Variants in IQSEC1 observed in about 807,000 individuals in gnomAD.
IQSEC1 encodes the protein IQ motif and Sec7 domain ArfGEF 1.
A neutral mutation model predicts 91.0 loss-of-function variants in IQSEC1; 31 were observed. That is an observed-to-expected ratio of 0.34 (90% confidence interval 0.26 to 0.46). IQSEC1 has a LOEUF of 0.46. Among genes scored for constraint, IQSEC1 ranks in the 20% least tolerant of loss-of-function variants. The pLI is 1.00. For missense variants in IQSEC1, 1,388 were observed against 1,575.6 expected (o/e 0.88, Z 2.02); for synonymous variants, 699 against 662.6 (o/e 1.05, Z -0.84).
At chr3:13,202,895 G>T (rs138016021) in intron 1 of IQSEC1, among the ~76,000 whole-genome samples, 1 of 152,240 alleles carries the variant, frequency 6.6e-6, no homozygotes, top group Non-Finnish European at 1.5e-5. Context: ...TCAGTGTGCC[G>T]GGCGCCATTC....
Position 12,911,678 on chromosome 3 carries a change from T to C in IQSEC1, c.2367A>G (p.Arg789=), listed in dbSNP as rs905652890. ...GCATGCCGTACAAGGAGAAGGACTGTCGGAAGCTGTACGTCACCGAGTTCT... is the reference window on the plus strand; with the variant it reads ...GCATGCCGTACAAGGAGAAGGACTGCCGGAAGCTGTACGTCACCGAGTTCT... ...KKKNSVTYSF[R]QSFSLYGMQV... Residue 789 remains arginine (R), a synonymous_variant, in exon 10 of 14, where the codon CGA becomes CGG. Coordinates refer to ENST00000613206, the MANE Select transcript of IQSEC1 (RefSeq NM_001134382.3). 1.5e-5 allele frequency: 24 copies of C among 1,613,756 alleles called. No individual in the cohort carries two copies. Among genetic ancestry groups the C allele is most frequent in the Non-Finnish European group, 1.7e-5 (20 of 1,180,016 alleles).
chr3:13,184,234 C>G (rs1693893886), intron 1 of IQSEC1, among the ~76,000 whole-genome samples: 1 of 152,174 alleles, frequency 6.6e-6, no homozygotes, highest in African/African-American at 2.4e-5. Context: ...GAGCAGTATC[C>G]CTCTGAACAT....
chr3:13,039,021 C>A (rs560033079), intron 1 of IQSEC1, among the ~76,000 whole-genome samples: 82 of 152,240 alleles, frequency 5.4e-4, no homozygotes, highest in Non-Finnish European at 1.0e-3. Context: ...GGCAGTCCAC[C>A]ACACCATTAA....
chr3:13,009,836 C>A (rs1046245999), intron 1 of IQSEC1, among the ~76,000 whole-genome samples: 1 of 152,164 alleles, frequency 6.6e-6, no homozygotes, highest in Non-Finnish European at 1.5e-5. Context: ...CAGTGTGGCG[C>A]CCGCCTCCTA....
intron 1 of IQSEC1, among the ~76,000 whole-genome samples, chr3:13,019,958 G>A (rs1332264345): frequency 1.3e-5 from 2 of 152,196 alleles, no homozygotes; most frequent in South Asian, 2.1e-4. Context: ...TCTGTGAGGC[G>A]GTGCTGCTTC....
At chr3:13,271,540 A>C (rs1243585731) in intron 1 of IQSEC1, among the ~76,000 whole-genome samples, 1 of 152,234 alleles carries the variant, frequency 6.6e-6, no homozygotes, top group Non-Finnish European at 1.5e-5. Context: ...TCATGCCTGT[A>C]ATTCCAGAAC....
chr3:12,950,677 C>T (rs2125415220), intron 1 of IQSEC1, among the ~76,000 whole-genome samples: 1 of 150,668 alleles, frequency 6.6e-6, no homozygotes, highest in Non-Finnish European at 1.5e-5. Context: ...GAGTCTCACT[C>T]TGTTGCCCAG....
At chr3:12,995,914 C>T (rs1221984833) in intron 1 of IQSEC1, among the ~76,000 whole-genome samples, 5 of 152,200 alleles carry the variant, frequency 3.3e-5, no homozygotes, top group African/African-American at 1.2e-4. Context: ...TGTGGTGGCT[C>T]ATGCCTGTAA....
At chr3:13,058,779 G>A (rs1576223646) in intron 1 of IQSEC1, among the ~76,000 whole-genome samples, 1 of 152,186 alleles carries the variant, frequency 6.6e-6, no homozygotes, top group Non-Finnish European at 1.5e-5. Flanking sequence ...TTTTAGGGGC[G>A]CAAGATGCTG....
intron 1 of IQSEC1, among the ~76,000 whole-genome samples, chr3:13,070,779 A>G (rs1310838502): frequency 6.6e-6 from 1 of 152,228 alleles, no homozygotes; most frequent in Non-Finnish European, 1.5e-5. Context: ...AAAGACCCAC[A>G]GAAAAGAAAG....
chr3:13,102,514 C>T (rs1272837804), intron 2 of IQSEC1, among the ~76,000 whole-genome samples: 1 of 151,962 alleles, frequency 6.6e-6, no homozygotes, highest in Non-Finnish European at 1.5e-5. Flanking sequence ...GAGTAATAGG[C>T]GTGAAAACCT....
intron 1 of IQSEC1, among the ~76,000 whole-genome samples, chr3:13,174,844 A>T (rs970286658): frequency 1.3e-5 from 1 of 76,790 alleles, no homozygotes; most frequent in Admixed American, 1.4e-4. Context: ...CCCCCCCCCC[A>T]CCTCCTCCCA....
Position 12,901,183 on chromosome 3 carries a change from G to T in IQSEC1, c.3145C>A (p.Pro1049Thr). 6.5e-7 allele frequency: 1 copy of T among 1,542,704 alleles called. No homozygotes were observed. Among genetic ancestry groups the T allele is most frequent in the Non-Finnish European group, 8.8e-7 (1 of 1,142,362 alleles). Residue 1049 changes from proline (P) to threonine (T), a missense_variant, in exon 14 of 14, where the codon CCC becomes ACC. This residue lies in a region of IQSEC1 where 329 missense variants were observed against 257.8 expected (regional missense o/e 1.28). Transcript: ENST00000613206. ...TGGTGTGCGTGCTGGATGTGCTGGGGTGGGTGGTGGTGGTGGTGATGGTGG... is the reference window on the plus strand; with the variant it reads ...TGGTGTGCGTGCTGGATGTGCTGGGTTGGGTGGTGGTGGTGGTGATGGTGG... ...PYHHHHHHHP[P>T]QHIQHAHQYH... is the part of the protein sequence containing the mutation.
In IQSEC1 at chr3:13,259,220, C is replaced by A. The variant is rs1695341552; in HGVS notation, c.272+23491G>T. On this transcript the variant is annotated intron_variant, in intron 1 of 15. Coordinates refer to the IQSEC1 transcript ENST00000648114. This position sits in a 1 kb window ranked among gnomAD's most constrained non-coding sequence, Gnocchi z 4.6. Reference sequence around the variant, plus strand: ...AGGCCCTGGGACGGGACAGTTTCCACTGGAGCAGGACCTGGACAAGAGGAA... The same window carrying A: ...AGGCCCTGGGACGGGACAGTTTCCAATGGAGCAGGACCTGGACAAGAGGAA... 2.0e-5 allele frequency among the ~76,000 whole-genome samples: 3 copies of A among 152,194 alleles called. No individual in the cohort carries two copies. Among genetic ancestry groups the A allele is most frequent in the Non-Finnish European group, 2.9e-5 (2 of 68,004 alleles).
At chr3:13,178,059 C>G (rs1693772064) in intron 1 of IQSEC1, among the ~76,000 whole-genome samples, 1 of 152,262 alleles carries the variant, frequency 6.6e-6, no homozygotes, top group Admixed American at 6.5e-5. Flanking sequence ...ACTGAGATAC[C>G]TGTTCTCTTG....
At chr3:13,173,365 A>G (rs1478803243) in intron 1 of IQSEC1, among the ~76,000 whole-genome samples, 2 of 152,084 alleles carry the variant, frequency 1.3e-5, no homozygotes, top group African/African-American at 4.8e-5. Context: ...CTGGACAGAG[A>G]ACTAAATAGG....
intron 1 of IQSEC1, among the ~76,000 whole-genome samples, chr3:13,042,928 C>A (rs1305324234): frequency 2.6e-5 from 4 of 152,146 alleles, no homozygotes; most frequent in African/African-American, 9.7e-5. Context: ...AGATAAATTA[C>A]GTTTGGCGGA....
Position 12,983,830 on chromosome 3 carries a change from C to A in IQSEC1, c.24-41965G>T, listed in dbSNP as rs1053550296. ...TCAGCACGGCGCCTGGCACAACTAG[C>A]TGCTGGATAAATATTTGTGGATGAA... On this transcript the variant is annotated intron_variant, in intron 1 of 13. Transcript: ENST00000613206. This position sits in a 1 kb window ranked among gnomAD's most constrained non-coding sequence, Gnocchi z 4.3. Among the ~76,000 whole-genome samples the A allele has an allele frequency of 3.3e-5, 5 of 152,194 alleles. No individual in the cohort carries two copies. Among genetic ancestry groups the A allele is most frequent in the African/African-American group, 1.2e-4 (5 of 41,434 alleles).
chr3:13,248,144 G>A (rs1336191556), intron 1 of IQSEC1, among the ~76,000 whole-genome samples: 1 of 152,228 alleles, frequency 6.6e-6, no homozygotes, highest in African/African-American at 2.4e-5. Flanking sequence ...ACTGCAGGAA[G>A]GGCAAGCTCT....
Sources: allele counts gnomAD v4.1 joint callset (sites outside exome capture counted in the v4.1 genomes callset), GRCh38; gene constraint gnomAD v4.1.1; regional missense constraint gnomAD v4.1.1; non-coding constraint Gnocchi (gnomAD v3.1); transcripts MANE v1.5; gene names NCBI Gene and HGNC (gene_info 2026-07-23, HGNC 2026-07-21).